ZDHHC17: variants seen among roughly 807,000 people sequenced by gnomAD.
ZDHHC17 encodes zDHHC palmitoyltransferase 17.
Under a neutral mutation model 90.3 loss-of-function variants are expected in ZDHHC17, and 40 were observed. That is an observed-to-expected ratio of 0.44 (90% CI 0.34 to 0.58). ZDHHC17 has a LOEUF of 0.58. Ranked by LOEUF, ZDHHC17 falls within the 20% of genes least tolerant of loss-of-function variation. The pLI, the probability that ZDHHC17 is intolerant of heterozygous loss-of-function variation, is 0.01. For missense variants in ZDHHC17, 614 were observed against 780.8 expected, an observed-to-expected ratio of 0.79 and a Z score of 2.55; for synonymous variants, 235 against 252.4, an observed-to-expected ratio of 0.93 and a Z score of 0.65.
At chr12:76,820,909 C>CT in intron 7 of ZDHHC17, 1 of 419,016 alleles carries the variant, frequency 2.4e-6, no homozygotes, top group Admixed American at 3.3e-5. Flanking sequence ...TAGATATAGA[C>CT]TTAACTCAGA....
intron 1 of ZDHHC17, among the ~76,000 whole-genome samples, chr12:76,765,432 A>G (rs1952420020): frequency 6.6e-6 from 1 of 152,222 alleles, no homozygotes; most frequent in African/African-American, 2.4e-5. Flanking sequence ...CCTTCGGAAT[A>G]TATACCTGTG....
At chr12:76,847,657 C>T (rs1342388036) in intron 14 of ZDHHC17, among the ~76,000 whole-genome samples, 2 of 152,136 alleles carry the variant, frequency 1.3e-5, no homozygotes, top group Admixed American at 6.5e-5. Flanking sequence ...AGTTTGAGAC[C>T]AGCCTGGGCA....
chr12:76,781,533 C>G (rs1029013256), intron 1 of ZDHHC17: 4 of 439,058 alleles, frequency 9.1e-6, no homozygotes, highest in Non-Finnish European at 1.8e-5. Context: ...GTTTGTTACT[C>G]GAGAGTGGGT....
At chr12:76,770,095 A>G (rs944267497) in intron 1 of ZDHHC17, among the ~76,000 whole-genome samples, 9 of 152,176 alleles carry the variant, frequency 5.9e-5, no homozygotes, top group Non-Finnish European at 1.3e-4. Flanking sequence ...TTCCAAACTA[A>G]AATGGGGGTA....
At chr12:76,836,561 G>A (rs1592495820) in intron 10 of ZDHHC17, among the ~76,000 whole-genome samples, 1 of 151,696 alleles carries the variant, frequency 6.6e-6, no homozygotes, top group East Asian at 1.9e-4. Flanking sequence ...CCTTTTGTCT[G>A]CTTGTTTAGT....
At chr12:76,833,717 G>C (rs754438992) in intron 10 of ZDHHC17, among the ~76,000 whole-genome samples, 3 of 152,132 alleles carry the variant, frequency 2.0e-5, no homozygotes, top group Non-Finnish European at 4.4e-5. Context: ...GCATGAACCT[G>C]GGGATGCGGA....
At chr12:76,775,316 T>C (rs1200803494) in intron 1 of ZDHHC17, among the ~76,000 whole-genome samples, 2 of 152,144 alleles carry the variant, frequency 1.3e-5, no homozygotes, top group Non-Finnish European at 1.5e-5. Flanking sequence ...CTAGAGATAA[T>C]AGTGACATTC....
intron 5 of ZDHHC17, among the ~76,000 whole-genome samples, chr12:76,814,292 T>G: frequency 6.6e-6 from 1 of 151,920 alleles, no homozygotes; most frequent in Middle Eastern, 3.2e-3. Context: ...GGGGGAAAGA[T>G]GGTGCCAGGG....
intron 13 of ZDHHC17, 51 bp from the exon 14 acceptor site, chr12:76,846,545 C>A: frequency 7.1e-7 from 1 of 1,412,420 alleles, no homozygotes; most frequent in Non-Finnish European, 9.9e-7. Context: ...AGGTGCATTA[C>A]CCGTTGTTTT....
intron 2 of ZDHHC17, among the ~76,000 whole-genome samples, chr12:76,798,948 C>T (rs1004205501): frequency 1.3e-5 from 2 of 152,130 alleles, no homozygotes; most frequent in Non-Finnish European, 2.9e-5. Context: ...TTGGGGATTA[C>T]AATTGAACAT....
chr12:76,771,301 G>A (rs1381579949), intron 1 of ZDHHC17, among the ~76,000 whole-genome samples: 2 of 152,194 alleles, frequency 1.3e-5, no homozygotes, highest in Admixed American at 6.5e-5. Context: ...ATGAGATACT[G>A]TGAACTTAGT....
chr12:76,842,714 C>T (rs1953450249), intron 11 of ZDHHC17, among the ~76,000 whole-genome samples: 1 of 152,052 alleles, frequency 6.6e-6, no homozygotes, highest in African/African-American at 2.4e-5. Context: ...GGTCTAATCC[C>T]CTTTTTTCTG....
chr12:76,812,825 A>T (rs1045142251), intron 5 of ZDHHC17, among the ~76,000 whole-genome samples: 6 of 152,072 alleles, frequency 3.9e-5, no homozygotes, highest in Admixed American at 3.9e-4. Flanking sequence ...AAATATATTT[A>T]GTGCTCACTA....
At chr12:76,767,697 A>G (rs1195999931) in intron 1 of ZDHHC17, among the ~76,000 whole-genome samples, 3 of 152,278 alleles carry the variant, frequency 2.0e-5, no homozygotes, top group Admixed American at 1.3e-4. Context: ...AGGCGGGCGG[A>G]TCACCTGAGG....
chr12:76,843,082 TG>T, intron 12 of ZDHHC17, 101 bp downstream of exon 12: 2 of 830,102 alleles, frequency 2.4e-6, no homozygotes, highest in East Asian at 6.0e-5. Flanking sequence ...TTATTTTCAA[TG>T]AACACATTCC....
chr12:76,781,443 G>A (rs1048255340), intron 1 of ZDHHC17, among the ~76,000 whole-genome samples: 5 of 152,228 alleles, frequency 3.3e-5, no homozygotes, highest in Admixed American at 3.3e-4. Context: ...ATGGTATTAA[G>A]AGGTGGGACT....
chr12:76,811,330 C>T (rs896857129), intron 5 of ZDHHC17, among the ~76,000 whole-genome samples: 2 of 152,158 alleles, frequency 1.3e-5, no homozygotes, highest in Non-Finnish European at 2.9e-5. Flanking sequence ...ATCACAAGGT[C>T]TTTAGTGGCC....
At position 76,805,330 on chromosome 12, in the gene ZDHHC17, G is replaced by T; in HGVS notation, c.211G>T (p.Glu71Ter). The change falls in exon 3 of 17, where the codon GAA (glutamate) becomes TAA (stop). Residue 71 changes from glutamate (E) to a stop codon, truncating the protein, a stop_gained. Transcript: ENST00000426126. LOFTEE classifies it high-confidence loss of function. Reference sequence around the variant, plus strand: ...TTTCTTTTCTAGATATGGAATATATGAACGCTGTCGAGAATTGGTGGAAGC... The same window carrying T: ...TTTCTTTTCTAGATATGGAATATATTAACGCTGTCGAGAATTGGTGGAAGC... ...IVKATQYGIYERCRELVEAGY... is the reference protein window; with the variant it reads ...IVKATQYGIY 1 of 1,599,178 alleles carries T rather than the reference G, an allele frequency of 6.3e-7. No homozygotes were observed. The highest frequency in any genetic ancestry group is 1.1e-5 in the South Asian group (1 of 88,700).
intron 10 of ZDHHC17, among the ~76,000 whole-genome samples, chr12:76,832,100 G>A (rs1953309668): frequency 6.6e-6 from 1 of 152,200 alleles, no homozygotes; most frequent in Non-Finnish European, 1.5e-5. Context: ...TTGGAACTAT[G>A]TTTTTCTCCC....
Sources: allele counts gnomAD v4.1 joint callset (sites outside exome capture counted in the v4.1 genomes callset), GRCh38; gene constraint gnomAD v4.1.1; transcripts MANE v1.5; gene names NCBI Gene and HGNC (gene_info 2026-07-23, HGNC 2026-07-21).